The following ANKS1B variants were observed in gnomAD, a reference collection of about 807,000 sequenced individuals.
ANKS1B encodes the protein ankyrin repeat and sterile alpha motif domain-containing protein 1B.
Under a neutral mutation model 148.3 loss-of-function variants are expected in ANKS1B, and 36 were observed. The observed-to-expected ratio is 0.24, with a 90% CI of 0.19 to 0.32. The LOEUF (loss-of-function observed/expected upper bound fraction) is 0.32, where lower values mean the gene tolerates loss of function less well. Among genes scored for constraint, ANKS1B ranks in the 10% least tolerant of loss-of-function variants. The pLI is 1.00. For missense variants in ANKS1B, 1,157 were observed against 1,542.6 expected (o/e 0.75, Z 4.19); for synonymous variants, 542 against 560.8 (o/e 0.97, Z 0.47).
chr12:99,126,889 G>A (rs2064539226), intron 15 of ANKS1B, among the ~76,000 whole-genome samples: 1 of 152,068 alleles, frequency 6.6e-6, no homozygotes, highest in African/African-American at 2.4e-5. Flanking sequence ...CTAGTGGATG[G>A]TGGTACCAAA....
chr12:99,203,046 A>G (rs1354180877), intron 14 of ANKS1B, among the ~76,000 whole-genome samples: 3 of 152,240 alleles, frequency 2.0e-5, no homozygotes, highest in Non-Finnish European at 2.9e-5. Context: ...AAAGCAAGTG[A>G]AAGAGCCAGC....
At chr12:98,839,983 T>C (rs989111183) in intron 17 of ANKS1B, among the ~76,000 whole-genome samples, 3 of 152,162 alleles carry the variant, frequency 2.0e-5, no homozygotes, top group Non-Finnish European at 4.4e-5. Context: ...AAGTCAGATA[T>C]AGTGTCACTG....
intron 9 of ANKS1B, among the ~76,000 whole-genome samples, chr12:99,523,614 C>T (rs1193438227): frequency 2.1e-5 from 3 of 139,758 alleles, no homozygotes; most frequent in African/African-American, 5.6e-5. Context: ...AGTGCAGGGG[C>T]GCGATCTTGG....
At chr12:98,746,719 T>C (rs1295792304) in intron 26 of ANKS1B, among the ~76,000 whole-genome samples, 2 of 152,134 alleles carry the variant, frequency 1.3e-5, no homozygotes, top group African/African-American at 4.8e-5. Flanking sequence ...AGGCACACAA[T>C]AAATACTTGT....
At chr12:99,384,004 G>A (rs2093756417) in intron 12 of ANKS1B, among the ~76,000 whole-genome samples, 1 of 152,080 alleles carries the variant, frequency 6.6e-6, no homozygotes, top group African/African-American at 2.4e-5. Flanking sequence ...ATTCCAGCCT[G>A]GGCAACACAG....
chr12:98,983,835 T>C (rs1568185418), intron 17 of ANKS1B, among the ~76,000 whole-genome samples: 1 of 152,168 alleles, frequency 6.6e-6, no homozygotes, highest in African/African-American at 2.4e-5. Context: ...GGAATAATTC[T>C]CTTTAGCTCT....
intron 10 of ANKS1B, among the ~76,000 whole-genome samples, chr12:99,470,057 G>C (rs12319807): frequency 6.6e-6 from 1 of 151,572 alleles, no homozygotes; most frequent in Admixed American, 6.6e-5. Context: ...AGTTTTAGGC[G>C]GCCGTGAGTT....
rs374706770 is a variant in ANKS1B, at chr12:99,984,127, G to A, written c.111C>T (p.Pro37=). 6.2e-7 allele frequency: 1 copy of A among 1,613,646 alleles called. No homozygotes were observed. The highest frequency in any genetic ancestry group is 8.5e-7 in the Non-Finnish European group (1 of 1,179,684). The change falls in exon 1 of 27, where the codon CCC becomes CCT. Residue 37 remains proline, a synonymous_variant. Transcript: ENST00000683438. ...ACCTTAGCAGATTAGACAGGGGCAG[G>A]GGTCCGGATCCACCGCCCAGGATCC... ...KGGILGGGSG[P]LPLSNLLSIW... is the part of the protein sequence containing the mutation.
intron 17 of ANKS1B, among the ~76,000 whole-genome samples, chr12:98,963,324 T>A (rs557632766): frequency 7.0e-4 from 107 of 151,954 alleles, no homozygotes; most frequent in African/African-American, 2.4e-3. Flanking sequence ...GGATTACAGG[T>A]GTGCCAACAT....
At chr12:99,965,182 T>G (rs1022629567) in intron 1 of ANKS1B, among the ~76,000 whole-genome samples, 6 of 152,196 alleles carry the variant, frequency 3.9e-5, no homozygotes, top group Admixed American at 2.6e-4. Context: ...GGAGAAAAGG[T>G]TGATTCCAGG....
At chr12:99,622,073 C>T (rs554839033) in intron 9 of ANKS1B, among the ~76,000 whole-genome samples, 1 of 151,802 alleles carries the variant, frequency 6.6e-6, no homozygotes, top group South Asian at 2.1e-4. Flanking sequence ...CAGAGTGGAA[C>T]AAAAATAAAA....
At chr12:99,310,004 T>C (rs2082916480) in intron 12 of ANKS1B, among the ~76,000 whole-genome samples, 1 of 152,130 alleles carries the variant, frequency 6.6e-6, no homozygotes, top group South Asian at 2.1e-4. Context: ...ATAGTGTTGC[T>C]AGGAAACATG....
rs2095751570 is a variant in ANKS1B, at chr12:99,984,385, C to A, written c.-148G>T. 2 of 525,720 alleles carry A rather than the reference C, an allele frequency of 3.8e-6. No homozygotes were observed. The highest frequency in any genetic ancestry group is 3.8e-5 in the East Asian group (1 of 26,520). The allele number at this position is 525,720 out of a possible 1,614,324, so 32.6% of individuals were successfully genotyped here. On this transcript the variant is annotated 5_prime_UTR_variant, in exon 1 of 27. Coordinates refer to ENST00000683438, the MANE Select transcript of ANKS1B (RefSeq NM_001352186.2). ...ACGGAGAGCTCCCTGCAGCCCCAGG[C>A]AGGGAGCACGACTCTCTCCTCCTCT...
At chr12:99,749,026 C>T (rs2060859791) in intron 8 of ANKS1B, among the ~76,000 whole-genome samples, 1 of 152,068 alleles carries the variant, frequency 6.6e-6, no homozygotes, top group Non-Finnish European at 1.5e-5. Flanking sequence ...GCAAAATATT[C>T]GTTACTCAAA....
chr12:98,997,643 G>C (rs138379140), intron 17 of ANKS1B, among the ~76,000 whole-genome samples: 1 of 151,908 alleles, frequency 6.6e-6, no homozygotes, highest in African/African-American at 2.4e-5. Flanking sequence ...TGCCTGCCTC[G>C]GCCTCTCAAA....
chr12:98,865,966 G>A (rs949920036), intron 17 of ANKS1B, among the ~76,000 whole-genome samples: 4 of 152,254 alleles, frequency 2.6e-5, no homozygotes, highest in South Asian at 2.1e-4. Context: ...ATAGATGGCC[G>A]TCTTCTCACT....
chr12:99,946,047 T>C (rs1603481107), intron 1 of ANKS1B, among the ~76,000 whole-genome samples: 1 of 152,282 alleles, frequency 6.6e-6, no homozygotes, highest in Admixed American at 6.5e-5. Flanking sequence ...CCAGATCCAC[T>C]CTGGTGGTGT....
intron 21 of ANKS1B, among the ~76,000 whole-genome samples, chr12:98,800,384 A>G (rs192610153): frequency 6.6e-6 from 1 of 152,266 alleles, no homozygotes; most frequent in Admixed American, 6.5e-5. Context: ...GTTTCAATGC[A>G]CTGCTGAAGG....
At chr12:99,321,667 C>T (rs2085298107) in intron 12 of ANKS1B, among the ~76,000 whole-genome samples, 1 of 152,194 alleles carries the variant, frequency 6.6e-6, no homozygotes, top group African/African-American at 2.4e-5. Flanking sequence ...TAAGGCGATG[C>T]CCCGCCCTGC....
Sources: gnomAD v4.1 joint callset for allele counts (sites outside exome capture counted in the v4.1 genomes callset) on GRCh38, gnomAD v4.1.1 for gene constraint, MANE v1.5 for transcripts, NCBI Gene and HGNC (gene_info 2026-07-23, HGNC 2026-07-21) for gene names.